The following CAST variants were observed in gnomAD, a reference collection of about 807,000 sequenced individuals.
The protein encoded by CAST is calpastatin.
Under a neutral mutation model 119.6 loss-of-function variants are expected in CAST, and 76 were observed. The observed-to-expected ratio is 0.64, with a 90% CI of 0.53 to 0.77. The LOEUF is 0.77. Among genes scored for constraint, CAST ranks in the 30% least tolerant of loss-of-function variants. The pLI, the probability that CAST is intolerant of heterozygous loss-of-function variation, is 0.00. For synonymous variants in CAST, 319 were observed against 331.6 expected, an observed-to-expected ratio of 0.96 and a Z score of 0.41; for missense variants, 953 against 946.5, an observed-to-expected ratio of 1.01 and a Z score of -0.09.
At chr5:96,612,791 A>C (rs1013713043) in intron 1 of CAST, among the ~76,000 whole-genome samples, 1 of 152,128 alleles carries the variant, frequency 6.6e-6, no homozygotes, top group Non-Finnish European at 1.5e-5. Flanking sequence ...AGATGTTTAG[A>C]TCTCTTATCA....
the CAST span, among the ~76,000 whole-genome samples, chr5:96,452,280 G>A: frequency 2.6e-5 from 4 of 152,172 alleles, no homozygotes; most frequent in African/African-American, 9.6e-5. Context: ...AGAAAATGTG[G>A]CACATATACA....
At chr5:96,316,411 C>T in the CAST span, among the ~76,000 whole-genome samples, 1 of 152,112 alleles carries the variant, frequency 6.6e-6, no homozygotes. Context: ...TTCTGTAGCC[C>T]AGCTGAGAAA....
At chr5:96,393,105 G>T in the CAST span, 3 of 1,614,148 alleles carry the variant, frequency 1.9e-6, no homozygotes, top group Non-Finnish European at 2.5e-6. Context: ...TCATTATACA[G>T]ACTGTCTTCA....
chr5:96,173,957 T>C, the CAST span, among the ~76,000 whole-genome samples: 1 of 152,216 alleles, frequency 6.6e-6, no homozygotes, highest in Middle Eastern at 3.4e-3. Flanking sequence ...TTAGCCAGGA[T>C]GGTCTCGATC....
At chr5:96,692,612 C>T (rs1752858249) in intron 2 of CAST, among the ~76,000 whole-genome samples, 1 of 152,124 alleles carries the variant, frequency 6.6e-6, no homozygotes, top group African/African-American at 2.4e-5. Flanking sequence ...ACCTAGAATG[C>T]CTCCTTTCCC....
chr5:96,650,728 T>TTGTGTGTGTGTGTGTGTG (rs34230121), intron 1 of CAST, among the ~76,000 whole-genome samples: 1 of 142,058 alleles, frequency 7.0e-6, no homozygotes, highest in African/African-American at 2.6e-5. Context: ...ACCCACTTAA[T>TTGTGTGTGTGTGTGTGTG]TGTGTGTGTG....
the CAST span, among the ~76,000 whole-genome samples, chr5:96,181,631 G>A: frequency 6.6e-6 from 1 of 152,162 alleles, no homozygotes; most frequent in African/African-American, 2.4e-5. Context: ...AACAGATTTA[G>A]GAAGAACACA....
chr5:96,683,173 A>G (rs1014455394), intron 2 of CAST, among the ~76,000 whole-genome samples: 11 of 152,212 alleles, frequency 7.2e-5, no homozygotes, highest in Admixed American at 7.2e-4. Context: ...TGTGTGGAGT[A>G]TGAGCATTCA....
the CAST span, among the ~76,000 whole-genome samples, chr5:96,166,341 A>G: frequency 1.2e-4 from 18 of 152,228 alleles, no homozygotes; most frequent in Non-Finnish European, 7.3e-5. Context: ...TTTTAATAAC[A>G]GAAGTATTTA....
At chr5:96,743,039 G>A (rs1763018485) in intron 16 of CAST, among the ~76,000 whole-genome samples, 1 of 152,198 alleles carries the variant, frequency 6.6e-6, no homozygotes. Flanking sequence ...GCAATGCCTG[G>A]TGGGAAATAG....
intron 1 of CAST, among the ~76,000 whole-genome samples, chr5:96,576,871 A>ACT (rs77441500): frequency 0.094 from 14,220 of 152,042 alleles, 841 homozygotes; most frequent in Non-Finnish European, 0.14. Context: ...CAGGATGTGT[A>ACT]GGTTTGTTAC....
the CAST span, among the ~76,000 whole-genome samples, chr5:96,068,766 A>G: frequency 2.0e-5 from 3 of 151,350 alleles, no homozygotes; most frequent in Non-Finnish European, 2.9e-5. Flanking sequence ...ATATGCATAT[A>G]TTTAACTTAA....
chr5:96,375,864 T>C, the CAST span, among the ~76,000 whole-genome samples: 1 of 149,746 alleles, frequency 6.7e-6, no homozygotes, highest in African/African-American at 2.4e-5. Flanking sequence ...CCCACAATCC[T>C]ATAAACTAAT....
chr5:96,254,560 T>A, the CAST span, among the ~76,000 whole-genome samples: 1 of 152,188 alleles, frequency 6.6e-6, no homozygotes, highest in Non-Finnish European at 1.5e-5. Context: ...CCTACTTCCA[T>A]GTCTACATTT....
At chr5:96,064,521 T>G in the CAST span, among the ~76,000 whole-genome samples, 21 of 152,162 alleles carry the variant, frequency 1.4e-4, no homozygotes, top group Admixed American at 6.6e-5. Context: ...TCATTTAAAT[T>G]GATAATTAAA....
At chr5:96,062,948 T>A in the CAST span, among the ~76,000 whole-genome samples, 16 of 151,968 alleles carry the variant, frequency 1.1e-4, no homozygotes, top group African/African-American at 3.9e-4. Context: ...CGAGATACAG[T>A]AGGAAAGCAA....
chr5:96,374,831 G>A, the CAST span, among the ~76,000 whole-genome samples: 8,110 of 152,182 alleles, frequency 0.053, 756 homozygotes, highest in African/African-American at 0.19. Flanking sequence ...GAAAGGTTCC[G>A]GTTCTTCTGG....
the CAST span, among the ~76,000 whole-genome samples, chr5:96,425,007 GAAAAGAAAGAAA>G: frequency 1.5e-5 from 1 of 66,874 alleles, no homozygotes. Flanking sequence ...GAGAAAGAAA[GAAAAGAAAGAAA>G]GAAAGAAAGA....
the CAST span, among the ~76,000 whole-genome samples, chr5:96,206,030 T>A: frequency 6.6e-6 from 1 of 152,076 alleles, no homozygotes; most frequent in African/African-American, 2.4e-5. Flanking sequence ...TCGGATAGTA[T>A]CTCATTGTGG....
Sources: gnomAD v4.1 joint callset for allele counts (sites outside exome capture counted in the v4.1 genomes callset) on GRCh38, gnomAD v4.1.1 for gene constraint, MANE v1.5 for transcripts, NCBI Gene and HGNC (gene_info 2026-07-23, HGNC 2026-07-21) for gene names.